ATG9A: variants seen among roughly 807,000 people sequenced by gnomAD.
ATG9A encodes autophagy related 9A.
A neutral mutation model predicts 87.1 loss-of-function variants in ATG9A; 21 were observed. That is an observed-to-expected ratio of 0.24 (90% CI 0.17 to 0.35). The LOEUF is 0.35. ATG9A is among the 10% of genes least tolerant of loss of function. The pLI is 1.00. For synonymous variants in ATG9A, 422 were observed against 441.3 expected, an observed-to-expected ratio of 0.96 and a Z score of 0.55; for missense variants, 836 against 1,107.3, an observed-to-expected ratio of 0.76 and a Z score of 3.48.
In ATG9A at chr2:219,229,558, T is replaced by TTCCAGAGGCTCCGCCGGC. The variant is rs1371209550; in HGVS notation, c.-123_-106dup. The TTCCAGAGGCTCCGCCGGC allele has an allele frequency of 1.0e-4, 16 of 152,638 alleles. No individual in the cohort carries two copies. Among genetic ancestry groups the TTCCAGAGGCTCCGCCGGC allele is most frequent in the Non-Finnish European group, 2.1e-4 (14 of 68,080 alleles). 9.5% of individuals were successfully genotyped at this position (152,638 alleles called of 1,614,324 possible). ...ACCTCAGGAACAGCGACCCGGGTGA[T>TTCCAGAGGCTCCGCCGGC]TCCAGAGGCTCCGCCGGCTCCGCTC... On this transcript the variant is annotated 5_prime_UTR_variant, in exon 1 of 16. Transcript: ENST00000361242. This position sits in a 1 kb window ranked among gnomAD's most constrained non-coding sequence, Gnocchi z 4.2.
At chr2:219,226,301 A>C (rs1329135771) in intron 5 of ATG9A, among the ~76,000 whole-genome samples, 14 of 152,110 alleles carry the variant, frequency 9.2e-5, no homozygotes, top group African/African-American at 2.9e-4. Context: ...AGAGCCTCCT[A>C]AAGTGCTGGG....
At position 219,224,316 on chromosome 2, in the gene ATG9A, G is replaced by C; in HGVS notation, c.1055C>G (p.Ser352Cys). The C allele has an allele frequency of 6.2e-7, 1 of 1,613,776 alleles. No individual in the cohort carries two copies. Among genetic ancestry groups the C allele is most frequent in the Non-Finnish European group, 8.5e-7 (1 of 1,180,044 alleles). Residue 352 changes from serine (S) to cysteine (C), a missense_variant, in exon 8 of 16, where the codon TCC becomes TGC. Physicochemically the swap from Ser to Cys is moderately radical, Grantham distance 112. Around this residue, in one of 2 missense-constraint regions of ATG9A, gnomAD observed 512 missense variants for 759.6 expected, o/e 0.67. Transcript: ENST00000361242. This position sits in a 1 kb window ranked among gnomAD's most constrained non-coding sequence, Gnocchi z 7.7. ...HFNELEHELQ[S>C]RLNRGYKPAS... Reference sequence around the variant, plus strand: ...GGGCTTGTAGCCACGGTTGAGGCGGGACTGCAGCTCGTGCTCCAGCTCGTT... The same window carrying C: ...GGGCTTGTAGCCACGGTTGAGGCGGCACTGCAGCTCGTGCTCCAGCTCGTT...
At position 219,223,011 on chromosome 2, in the gene ATG9A, CT is replaced by C; in HGVS notation, c.1600-119del. 1 of 1,371,092 alleles carries C rather than the reference CT, an allele frequency of 7.3e-7. No individual in the cohort carries two copies. The highest frequency in any genetic ancestry group is 9.9e-7 in the Non-Finnish European group (1 of 1,013,684). 84.9% of individuals were successfully genotyped at this position (1,371,092 alleles called of 1,614,324 possible). A position where few individuals can be genotyped will look rare whatever the true frequency, so the allele number is the denominator to read the frequency against. ...ACGGAGACCACAGTATACTGTCAAT[CT>C]TTCCCAGGGCACTGGTGCCCCCCCA... On this transcript the variant is annotated intron_variant, in intron 10 of 15. Transcript: ENST00000361242. This position sits in a 1 kb window ranked among gnomAD's most constrained non-coding sequence, Gnocchi z 4.7.
In ATG9A at chr2:219,221,116, G is replaced by T. The variant is rs1270607632; in HGVS notation, c.2332C>A (p.His778Asn). The T allele has an allele frequency of 4.3e-6, 7 of 1,612,798 alleles. No individual in the cohort carries two copies. Among genetic ancestry groups the T allele is most frequent in the African/African-American group, 1.3e-5 (1 of 74,854 alleles). The change falls in exon 14 of 16, where the codon CAT (histidine) becomes AAT (asparagine). Residue 778 changes from histidine (H) to asparagine (N), a missense_variant. Transcript: ENST00000361242. ...RPGAPETTAL[H>N]GGFQRRYGGI... ...CCGTAGCGCCTCTGGAAGCCCCCATGCAGGGCAGTGGTCTCAGGAGCTCCA... is the reference window on the plus strand; with the variant it reads ...CCGTAGCGCCTCTGGAAGCCCCCATTCAGGGCAGTGGTCTCAGGAGCTCCA...
In ATG9A at chr2:219,225,203, T is replaced by C; in HGVS notation, c.384A>G (p.Glu128=). 1 of 1,614,098 alleles carries C rather than the reference T, an allele frequency of 6.2e-7. No individual in the cohort carries two copies. The highest frequency in any genetic ancestry group is 8.5e-7 in the Non-Finnish European group (1 of 1,179,998). ...CCAGGATGGTGATAAGGGAGCCATT[T>C]TCCTGAATCCTGGTGGGGAAAAAGA... ...PAQVCSARIQ[E]NGSLITILVI... is the part of the protein sequence containing the mutation. The change falls in exon 7 of 16, where the codon GAA becomes GAG. Residue 128 remains glutamate, a synonymous_variant. Coordinates refer to ENST00000361242, the MANE Select transcript of ATG9A (RefSeq NM_001077198.3).
intron 4 of ATG9A, 71 bp from the exon 5 acceptor site, chr2:219,227,004 C>G: frequency 7.8e-7 from 1 of 1,275,234 alleles, no homozygotes; most frequent in Non-Finnish European, 1.1e-6. Context: ...TCAACACACT[C>G]AAGCTTAAGT....
At position 219,219,900 on chromosome 2, in the gene ATG9A, G is replaced by C. The variant is rs1312204485; in HGVS notation, c.*547C>G. 6.3e-6 allele frequency: 1 copy of C among 159,812 alleles called. No individual in the cohort carries two copies. Among genetic ancestry groups the C allele is most frequent in the African/African-American group, 2.4e-5 (1 of 41,664 alleles). The allele number at this position is 159,812 out of a possible 1,614,324, so 9.9% of individuals were successfully genotyped here. ...GGAACGGGAGCAAGCGAACAGAACA[G>C]GAGCAAGCAGCACACACAGGCCAGT... On this transcript the variant is annotated 3_prime_UTR_variant, in exon 16 of 16. Transcript: ENST00000361242.
In ATG9A at chr2:219,222,999, T is replaced by C; in HGVS notation, c.1600-106A>G. 1 of 1,440,226 alleles carries C rather than the reference T, an allele frequency of 6.9e-7. No individual in the cohort carries two copies. Among genetic ancestry groups the C allele is most frequent in the South Asian group, 1.3e-5 (1 of 76,682 alleles). The allele number at this position is 1,440,226 out of a possible 1,614,324, so 89.2% of individuals were successfully genotyped here. A position where few individuals can be genotyped will look rare whatever the true frequency, so the allele number is the denominator to read the frequency against. ...TACCCTTGGAGAACGGAGACCACAGTATACTGTCAATCTTTCCCAGGGCAC... is the reference window on the plus strand; with the variant it reads ...TACCCTTGGAGAACGGAGACCACAGCATACTGTCAATCTTTCCCAGGGCAC... On this transcript the variant is annotated intron_variant, in intron 10 of 15. Coordinates refer to ENST00000361242, the MANE Select transcript of ATG9A (RefSeq NM_001077198.3). The surrounding 1 kb of genome is among the most constrained non-coding windows in gnomAD (Gnocchi z 4.3).
At chr2:219,225,003 C>T (rs528879898) in intron 7 of ATG9A, 68 bp downstream of exon 7, 1 of 1,597,720 alleles carries the variant, frequency 6.3e-7, no homozygotes, top group Non-Finnish European at 8.6e-7. Context: ...AACTGATGCC[C>T]AGGAATACAC....
chr2:219,228,921 T>C (rs1458149865), intron 1 of ATG9A: 1 of 152,322 alleles, frequency 6.6e-6, no homozygotes, highest in East Asian at 1.9e-4. Context: ...ATGGGAAACC[T>C]TGACTGGGTC....
Position 219,220,398 on chromosome 2 carries a change from G to A in ATG9A, c.*49C>T, listed in dbSNP as rs2106434643. 1 of 1,607,926 alleles carries A rather than the reference G, an allele frequency of 6.2e-7. No homozygotes were observed. The highest frequency in any genetic ancestry group is 8.5e-7 in the Non-Finnish European group (1 of 1,175,174). On this transcript the variant is annotated 3_prime_UTR_variant, in exon 16 of 16. Transcript: ENST00000361242. Reference sequence around the variant, plus strand: ...CCATGGCAGGCAGACGGGATGGCAGGGCAGCGGTGGCCTCCATCCTGGGCC... The same window carrying A: ...CCATGGCAGGCAGACGGGATGGCAGAGCAGCGGTGGCCTCCATCCTGGGCC...
At position 219,223,817 on chromosome 2, in the gene ATG9A, C is replaced by T; in HGVS notation, c.1419+52G>A. 1 of 1,614,012 alleles carries T rather than the reference C, an allele frequency of 6.2e-7. No homozygotes were observed. Among genetic ancestry groups the T allele is most frequent in the South Asian group, 1.1e-5 (1 of 91,084 alleles). ...CGAGCAGGAGGGAGCCCAGCCCTCA[C>T]CACCGAGCTACCAGCCAGTCTCTAG... On this transcript the variant is annotated intron_variant, in intron 9 of 15. Coordinates refer to ENST00000361242, the MANE Select transcript of ATG9A (RefSeq NM_001077198.3). This position sits in a 1 kb window ranked among gnomAD's most constrained non-coding sequence, Gnocchi z 4.7.
chr2:219,227,888 A>C (rs777300832), intron 3 of ATG9A, 34 bp downstream of exon 3: 2 of 1,612,622 alleles, frequency 1.2e-6, no homozygotes, highest in African/African-American at 1.3e-5. Context: ...TCTTCCATCA[A>C]CTCTCCCTAT....
At chr2:219,225,935 C>T (rs1165346059) in intron 5 of ATG9A, among the ~76,000 whole-genome samples, 1 of 152,212 alleles carries the variant, frequency 6.6e-6, no homozygotes, top group African/African-American at 2.4e-5. Context: ...GCTTCCTAAC[C>T]CCTTCCCCTT....
chr2:219,221,610 A>AGTGG (rs1950761364), intron 13 of ATG9A, among the ~76,000 whole-genome samples: 2 of 152,174 alleles, frequency 1.3e-5, no homozygotes, highest in African/African-American at 4.8e-5. Context: ...AGTGAACAAA[A>AGTGG]CAGACAGAAA....
At chr2:219,227,671 C>G in intron 4 of ATG9A, 99 bp downstream of exon 4, 1 of 1,398,726 alleles carries the variant, frequency 7.1e-7, no homozygotes, top group Non-Finnish European at 1.0e-6. Flanking sequence ...TTCCCGTTTC[C>G]AGGTATTAGA....
At position 219,224,253 on chromosome 2, in the gene ATG9A, A is replaced by G; in HGVS notation, c.1118T>C (p.Leu373Ser). 3.1e-6 allele frequency: 5 copies of G among 1,613,962 alleles called. No homozygotes were observed. The highest frequency in any genetic ancestry group is 4.2e-6 in the Non-Finnish European group (5 of 1,180,040). Reference sequence around the variant, plus strand: ...GGCTCCATTCTTGGCCAGCAGTGTCAAAAGAGGTGACAAGAAGCAATTCAT... The same window carrying G: ...GGCTCCATTCTTGGCCAGCAGTGTCGAAAGAGGTGACAAGAAGCAATTCAT... ...KYMNCFLSPL[L>S]TLLAKNGAFF... The change falls in exon 8 of 16, where the codon TTG (leucine) becomes TCG (serine). Residue 373 changes from leucine (L) to serine (S), a missense_variant. Coordinates refer to ENST00000361242, the MANE Select transcript of ATG9A (RefSeq NM_001077198.3). This position sits in a 1 kb window ranked among gnomAD's most constrained non-coding sequence, Gnocchi z 7.7.
intron 4 of ATG9A, 36 bp from the exon 5 acceptor site, chr2:219,226,969 G>A (rs1378344801): frequency 1.3e-6 from 2 of 1,548,084 alleles, no homozygotes; most frequent in Non-Finnish European, 1.8e-6. Flanking sequence ...AGTAAAGAAA[G>A]CAGGTAAGAG....
At chr2:219,226,407 G>A (rs1030947069) in intron 5 of ATG9A, among the ~76,000 whole-genome samples, 1 of 152,244 alleles carries the variant, frequency 6.6e-6, no homozygotes, top group Non-Finnish European at 1.5e-5. Context: ...AAGCTTGGCC[G>A]GGCGTGGTGG....
Sources: gnomAD v4.1 joint callset for allele counts (sites outside exome capture counted in the v4.1 genomes callset) on GRCh38, gnomAD v4.1.1 for gene constraint, gnomAD v4.1.1 regional missense constraint, Gnocchi (gnomAD v3.1) non-coding constraint, MANE v1.5 for transcripts, NCBI Gene and HGNC (gene_info 2026-07-23, HGNC 2026-07-21) for gene names.